The following EIF3E variants were observed in gnomAD, a reference collection of about 807,000 sequenced individuals.
EIF3E encodes the protein eukaryotic translation initiation factor 3 subunit E, also known as eIF-3 p48.
Under a neutral mutation model 59.3 loss-of-function variants are expected in EIF3E, and 25 were observed. The ratio of observed to expected loss-of-function variants is 0.42; its 90% CI spans 0.31 to 0.59. EIF3E has a LOEUF of 0.59. Among genes scored for constraint, EIF3E ranks in the 20% least tolerant of loss-of-function variants. The probability of loss-of-function intolerance (pLI) is 0.15; values close to 1 mark genes in which losing one functional copy is unlikely to be tolerated. For missense variants in EIF3E, 317 were observed against 534.3 expected, an observed-to-expected ratio of 0.59 and a Z score of 4.01; for synonymous variants, 176 against 170.2, an observed-to-expected ratio of 1.03 and a Z score of -0.26.
chr8:108,225,413 A>G (rs750005981), intron 7 of EIF3E, among the ~76,000 whole-genome samples: 1 of 151,414 alleles, frequency 6.6e-6, no homozygotes, highest in Admixed American at 6.6e-5. Context: ...GAATACCTGC[A>G]TAACTCACTG....
At chr8:108,210,792 T>A in intron 10 of EIF3E, among the ~76,000 whole-genome samples, 2 of 144,640 alleles carry the variant, frequency 1.4e-5, no homozygotes, top group Non-Finnish European at 3.0e-5. Flanking sequence ...TTCCCCACCC[T>A]GTGTCCAAGT....
intron 7 of EIF3E, among the ~76,000 whole-genome samples, chr8:108,220,316 TTTCAA>T (rs1815386134): frequency 6.6e-6 from 1 of 152,256 alleles, no homozygotes; most frequent in South Asian, 2.1e-4. Flanking sequence ...GATTAATCAC[TTTCAA>T]TTCAACTGTA....
chr8:108,225,162 A>C (rs928262105), intron 7 of EIF3E, among the ~76,000 whole-genome samples: 2 of 151,576 alleles, frequency 1.3e-5, no homozygotes, highest in African/African-American at 4.9e-5. Flanking sequence ...AGACAAACTA[A>C]AGCTATTCAG....
At chr8:108,242,803 C>T (rs681963) in intron 1 of EIF3E, 1 of 363,252 alleles carries the variant, frequency 2.8e-6, no homozygotes. Flanking sequence ...AGGTTCTCAA[C>T]GTCATTAATC....
chr8:108,228,301 C>T lies in EIF3E; in HGVS notation c.688G>A (p.Asp230Asn), dbSNP rs1249625702. ...FVFFNHPKGR[D>N]NIIDLFLYQP... ...TAAAGGAAGAGGTCAATAATATTAT[C>T]GCGACCTTTGGGGTGATTGAAGAAA... The change falls in exon 7 of 13, where the codon GAT becomes AAT. Residue 230 changes from aspartate (D) to asparagine (N), a missense_variant. Asp to Asn is a conservative substitution (Grantham distance 23). Around this residue, in one of 4 missense-constraint regions of EIF3E, gnomAD observed 242 missense variants for 398.0 expected, o/e 0.61. Coordinates refer to ENST00000220849, the MANE Select transcript of EIF3E (RefSeq NM_001568.3). 2.5e-6 allele frequency: 4 copies of T among 1,605,098 alleles called. No individual in the cohort carries two copies. Among genetic ancestry groups the T allele is most frequent in the South Asian group, 1.1e-5 (1 of 89,758 alleles).
intron 10 of EIF3E, among the ~76,000 whole-genome samples, chr8:108,212,202 C>T (rs1476465726): frequency 1.3e-5 from 2 of 152,054 alleles, no homozygotes. Flanking sequence ...AAGATAGGCA[C>T]GGTGAATGGG....
intron 5 of EIF3E, among the ~76,000 whole-genome samples, chr8:108,232,090 A>C (rs892978586): frequency 1.3e-5 from 2 of 152,208 alleles, no homozygotes; most frequent in African/African-American, 4.8e-5. Flanking sequence ...AAACACTGAC[A>C]TTTCTCATCC....
intron 10 of EIF3E, among the ~76,000 whole-genome samples, chr8:108,211,659 A>AT (rs1815212998): frequency 6.6e-6 from 1 of 152,102 alleles, no homozygotes; most frequent in African/African-American, 2.4e-5. Flanking sequence ...TAAATTACTG[A>AT]TTTTTCACTC....
At chr8:108,242,426 T>C (rs1218213312) in intron 1 of EIF3E, 6 of 1,289,114 alleles carry the variant, frequency 4.7e-6, no homozygotes, top group Admixed American at 2.3e-5. Context: ...ATTTAACCTA[T>C]AGTACAGGGA....
intron 2 of EIF3E, among the ~76,000 whole-genome samples, chr8:108,241,139 C>G (rs559679407): frequency 2.0e-5 from 3 of 152,156 alleles, no homozygotes; most frequent in African/African-American, 4.8e-5. Flanking sequence ...TATTCTAGAG[C>G]AGTCTTTCTG....
chr8:108,248,338 G>A (rs893587551), intron 1 of EIF3E, among the ~76,000 whole-genome samples: 6 of 152,142 alleles, frequency 3.9e-5, no homozygotes, highest in African/African-American at 1.2e-4. Flanking sequence ...CTTCCGAGAA[G>A]AAATGATGCG....
chr8:108,208,430 T>C (rs1815144441), intron 10 of EIF3E, among the ~76,000 whole-genome samples: 1 of 152,148 alleles, frequency 6.6e-6, no homozygotes, highest in Non-Finnish European at 1.5e-5. Flanking sequence ...AAACTATGTT[T>C]AACTGTATGA....
chr8:108,212,564 G>A (rs1253035206), intron 10 of EIF3E, among the ~76,000 whole-genome samples: 1 of 152,214 alleles, frequency 6.6e-6, no homozygotes, highest in Non-Finnish European at 1.5e-5. Context: ...CACTTTGGGA[G>A]AACAAGGCAG....
intron 5 of EIF3E, among the ~76,000 whole-genome samples, chr8:108,230,333 G>A (rs1275126487): frequency 6.6e-6 from 1 of 152,080 alleles, no homozygotes; most frequent in Non-Finnish European, 1.5e-5. Context: ...TAGTTTAAGT[G>A]ACATAAGACA....
intron 10 of EIF3E, among the ~76,000 whole-genome samples, chr8:108,210,543 T>C (rs1815186621): frequency 6.6e-6 from 1 of 152,212 alleles, no homozygotes; most frequent in Non-Finnish European, 1.5e-5. Context: ...CAAATTAAAA[T>C]GTTAGCTGTA....
Position 108,241,828 on chromosome 8 carries a change from T to C in EIF3E, c.176A>G (p.Lys59Arg), listed in dbSNP as rs1342268689. The C allele has an allele frequency of 6.3e-7, 1 of 1,593,378 alleles. No homozygotes were observed. Among genetic ancestry groups the C allele is most frequent in the Non-Finnish European group, 8.5e-7 (1 of 1,174,370 alleles). ...AGGAATATCATCAGAATAAAGGTTT[T>C]TGTATACATCCATAGCAAAGTCTAC... ...NMVDFAMDVY[K>R]NLYSDDIPHA... The change falls in exon 2 of 13, where the codon AAA becomes AGA. Residue 59 changes from lysine (K) to arginine (R), a missense_variant. By Grantham distance (26) the Lys-to-Arg change is conservative. This residue lies in a region of EIF3E where 242 missense variants were observed against 398.0 expected (regional missense o/e 0.61). Transcript: ENST00000220849.
chr8:108,203,048 A>T lies in EIF3E; in HGVS notation c.1234T>A (p.Ser412Thr), dbSNP rs758575641. 2 of 1,612,856 alleles carry T rather than the reference A, an allele frequency of 1.2e-6. No homozygotes were observed. The highest frequency in any genetic ancestry group is 3.3e-5 in the Admixed American group (2 of 59,934). Residue 412 changes from serine (S) to threonine (T), a missense_variant, in exon 12 of 13, where the codon TCC becomes ACC. Transcript: ENST00000220849. ...QQVIEKTKSL[S>T]FRSQMLAMNI... ...ATGGCCAACATCTGGCTTCTAAAGG[A>T]AAGGCTTTTGGTCTTTTCAATCACT...
intron 1 of EIF3E, chr8:108,242,136 T>C: frequency 3.0e-6 from 4 of 1,355,376 alleles, no homozygotes; most frequent in Non-Finnish European, 3.9e-6. Flanking sequence ...ATGAAGAGAA[T>C]TACTGTAGAC....
In EIF3E at chr8:108,234,991, T is replaced by C; in HGVS notation, c.471+7A>G. The C allele has an allele frequency of 1.5e-6, 2 of 1,367,544 alleles. No homozygotes were observed. Among genetic ancestry groups the C allele is most frequent in the East Asian group, 2.3e-5 (1 of 42,566 alleles). The allele number at this position is 1,367,544 out of a possible 1,614,324, so 84.7% of individuals were successfully genotyped here. On this transcript the variant is annotated splice_region_variant and intron_variant, in intron 5 of 12. Transcript: ENST00000220849. ...AAAAAAAAAAAAAAACATGTACTTA[T>C]ACTTACCAGCACTCTAAAAAAATAA... is the stretch of plus-strand genomic sequence containing the variant.
Sources: allele counts gnomAD v4.1 joint callset (sites outside exome capture counted in the v4.1 genomes callset), GRCh38; gene constraint gnomAD v4.1.1; regional missense constraint gnomAD v4.1.1; transcripts MANE v1.5; gene names NCBI Gene and HGNC (gene_info 2026-07-23, HGNC 2026-07-21).